GALNT10: variants seen among roughly 807,000 people sequenced by gnomAD.
GALNT10 encodes GalNAc transferase 10.
GALNT10 carries 41 observed loss-of-function variants against 75.0 expected under a neutral mutation model. That is an observed-to-expected ratio of 0.55 (90% CI 0.43 to 0.71). The LOEUF (loss-of-function observed/expected upper bound fraction) is 0.71. Ranked by LOEUF, GALNT10 falls within the 30% of genes least tolerant of loss-of-function variation. The pLI is 0.00. For synonymous variants in GALNT10, 302 were observed against 313.0 expected (o/e 0.96, Z 0.37); for missense variants, 727 against 818.5 (o/e 0.89, Z 1.36).
chr5:154,282,341 T>A (rs1438442241), intron 1 of GALNT10, among the ~76,000 whole-genome samples: 1 of 152,236 alleles, frequency 6.6e-6, no homozygotes, highest in Non-Finnish European at 1.5e-5. Context: ...TTGGGGATCA[T>A]GCTCAAACCA....
intron 1 of GALNT10, among the ~76,000 whole-genome samples, chr5:154,245,035 T>C (rs1437075334): frequency 6.6e-6 from 1 of 152,208 alleles, no homozygotes; most frequent in Non-Finnish European, 1.5e-5. Context: ...GCAGGGATTC[T>C]GGAAGCTCAT....
chr5:154,411,233 T>C (rs547192353), intron 9 of GALNT10, among the ~76,000 whole-genome samples: 2 of 152,342 alleles, frequency 1.3e-5, no homozygotes, highest in South Asian at 2.1e-4. Context: ...ATCCAGGGCT[T>C]CAAATGATGT....
chr5:154,259,247 C>G (rs977542606), intron 1 of GALNT10, among the ~76,000 whole-genome samples: 2 of 152,066 alleles, frequency 1.3e-5, no homozygotes, highest in Admixed American at 1.3e-4. Context: ...AAACAGTAGC[C>G]AATTATTTTG....
chr5:154,306,672 G>T (rs1372025711), intron 3 of GALNT10, among the ~76,000 whole-genome samples: 2 of 151,876 alleles, frequency 1.3e-5, no homozygotes, highest in East Asian at 3.9e-4. Flanking sequence ...ATGTGAAAAA[G>T]GGCAAAGCAG....
chr5:154,412,905 C>T lies in GALNT10; in HGVS notation c.1403C>T (p.Thr468Ile), dbSNP rs745955681. ...CCCTTTCAGATCCGAAATGTGGGCA[C>T]AGGGCTGTGTGCAGACACAAAGCAC... ...AAWGEIRNVG[T>I]GLCADTKHGA... The change falls in exon 10 of 12, where the codon ACA (threonine) becomes ATA (isoleucine). Residue 468 changes from threonine to isoleucine, a missense_variant. Coordinates refer to ENST00000297107, the MANE Select transcript of GALNT10 (RefSeq NM_198321.4). This position sits in a 1 kb window ranked among gnomAD's most constrained non-coding sequence, Gnocchi z 4.2. The T allele has an allele frequency of 3.1e-6, 5 of 1,613,028 alleles. No individual in the cohort carries two copies. Among genetic ancestry groups the T allele is most frequent in the Non-Finnish European group, 2.5e-6 (3 of 1,179,078 alleles).
chr5:154,237,031 T>C (rs1443688953), intron 1 of GALNT10, among the ~76,000 whole-genome samples: 1 of 152,138 alleles, frequency 6.6e-6, no homozygotes, highest in Non-Finnish European at 1.5e-5. Flanking sequence ...TTCACAGCCG[T>C]GAGATTGGCA....
intron 7 of GALNT10, 157 bp downstream of exon 7, chr5:154,386,587 CACT>C: frequency 2.1e-6 from 1 of 480,356 alleles, no homozygotes; most frequent in Non-Finnish European, 3.9e-6. Context: ...GCTCATGGGC[CACT>C]CTTTGTTGTG....
chr5:154,276,513 G>A lies in GALNT10; in HGVS notation c.160-18303G>A, dbSNP rs923233244. On this transcript the variant is annotated intron_variant, in intron 1 of 11. Coordinates refer to ENST00000297107, the MANE Select transcript of GALNT10 (RefSeq NM_198321.4). Reference sequence around the variant, plus strand: ...CATATAACTTGATGTAATCACAGGAGTGATATCTCATCATATTCACAGGTT... The same window carrying A: ...CATATAACTTGATGTAATCACAGGAATGATATCTCATCATATTCACAGGTT... Among the ~76,000 whole-genome samples, 200 of 152,272 alleles carry A rather than the reference G, an allele frequency of 1.3e-3. 4 individuals are homozygous for A. Among genetic ancestry groups the A allele is most frequent in the Non-Finnish European group, 2.2e-4 (15 of 68,016 alleles).
chr5:154,361,998 A>C (rs1436924183), intron 4 of GALNT10, among the ~76,000 whole-genome samples: 1 of 152,104 alleles, frequency 6.6e-6, no homozygotes, highest in Non-Finnish European at 1.5e-5. Flanking sequence ...CCAGACAGCC[A>C]TCTGGGTCCC....
rs1375703937 is a variant in GALNT10, at chr5:154,402,096, C to A, written c.1057-2008C>A. Among the ~76,000 whole-genome samples, 1 of 152,326 alleles carries A rather than the reference C, an allele frequency of 6.6e-6. No homozygotes were observed. Among genetic ancestry groups the A allele is most frequent in the African/African-American group, 2.4e-5 (1 of 41,574 alleles). On this transcript the variant is annotated intron_variant, in intron 7 of 11. Coordinates refer to ENST00000297107, the MANE Select transcript of GALNT10 (RefSeq NM_198321.4). The surrounding 1 kb of genome is among the most constrained non-coding windows in gnomAD (Gnocchi z 4.2). ...TGCCCCATCAGGCTGTTCTCCACCCCACTGGCAGAGTCATCTTTGTAAGAT... is the reference window on the plus strand; with the variant it reads ...TGCCCCATCAGGCTGTTCTCCACCCAACTGGCAGAGTCATCTTTGTAAGAT...
chr5:154,385,363 G>A (rs944085445), intron 6 of GALNT10, among the ~76,000 whole-genome samples: 3 of 152,134 alleles, frequency 2.0e-5, no homozygotes, highest in Non-Finnish European at 4.4e-5. Context: ...GGTACTGCAT[G>A]ATTTGTCGTC....
Position 154,291,282 on chromosome 5 carries a change from C to T in GALNT10, c.160-3534C>T, listed in dbSNP as rs1561651867. Among the ~76,000 whole-genome samples the T allele has an allele frequency of 3.3e-5, 5 of 152,276 alleles. No homozygotes were observed. The South Asian group carries it at 1.0e-3, about 32-fold the overall frequency. On this transcript the variant is annotated intron_variant, in intron 1 of 11. Coordinates refer to ENST00000297107, the MANE Select transcript of GALNT10 (RefSeq NM_198321.4). ...CACAAGCTTGTAGAGGAAATAGTAT[C>T]CTTCATGGAATCTTAGACTCTTGAA...
At chr5:154,310,492 CA>C (rs1052883277) in intron 3 of GALNT10, among the ~76,000 whole-genome samples, 9 of 151,420 alleles carry the variant, frequency 5.9e-5, no homozygotes, top group African/African-American at 2.2e-4. Flanking sequence ...GTTTTTGAGA[CA>C]GAGTCTCGCT....
intron 1 of GALNT10, among the ~76,000 whole-genome samples, chr5:154,250,169 C>T (rs1217412025): frequency 6.6e-6 from 1 of 152,152 alleles, no homozygotes; most frequent in Non-Finnish European, 1.5e-5. Context: ...GCTGCAGCCC[C>T]CTATGTGTTT....
rs1278937220 is a variant in GALNT10, at chr5:154,376,037, ATC to A, written c.569-232_569-231del. Among the ~76,000 whole-genome samples the A allele has an allele frequency of 1.3e-5, 2 of 152,212 alleles. No individual in the cohort carries two copies. Among genetic ancestry groups the A allele is most frequent in the Non-Finnish European group, 2.9e-5 (2 of 68,038 alleles). On this transcript the variant is annotated intron_variant, in intron 4 of 11. Coordinates refer to ENST00000297107, the MANE Select transcript of GALNT10 (RefSeq NM_198321.4). This position sits in a 1 kb window ranked among gnomAD's most constrained non-coding sequence, Gnocchi z 4.1. ...AAATGTTCACACCCTTGGACAGAAG[ATC>A]TCTCTCTGTTCCAGGTCGTGGCACC...
At position 154,207,137 on chromosome 5, in the gene GALNT10, C is replaced by T. The variant is rs148183382; in HGVS notation, c.159+16112C>T. 1.5e-3 allele frequency among the ~76,000 whole-genome samples: 223 copies of T among 152,328 alleles called. 2 individuals are homozygous for T. Among genetic ancestry groups the T allele is most frequent in the African/African-American group, 5.2e-3 (216 of 41,576 alleles). On this transcript the variant is annotated intron_variant, in intron 1 of 11. Transcript: ENST00000297107. ...CCTCACAGCAACCCAATAACATACT[C>T]ACTCTAATTATCCCCATTTTATGGA... is the stretch of plus-strand genomic sequence containing the variant.
chr5:154,413,813 G>GA (rs541028587), intron 10 of GALNT10, among the ~76,000 whole-genome samples: 3 of 152,148 alleles, frequency 2.0e-5, no homozygotes, highest in African/African-American at 7.2e-5. Context: ...ATCCATAAAA[G>GA]AAAAAATTGA....
intron 6 of GALNT10, among the ~76,000 whole-genome samples, chr5:154,381,914 C>T (rs925252506): frequency 2.6e-5 from 4 of 152,232 alleles, no homozygotes; most frequent in South Asian, 2.1e-4. Context: ...CCATCAGGCT[C>T]GCCAAGATAA....
chr5:154,221,835 T>C (rs892946985), intron 1 of GALNT10, among the ~76,000 whole-genome samples: 1 of 152,242 alleles, frequency 6.6e-6, no homozygotes, highest in Non-Finnish European at 1.5e-5. Context: ...CTCTTTATGC[T>C]GACACCGCGC....
Sources: allele counts gnomAD v4.1 joint callset (sites outside exome capture counted in the v4.1 genomes callset), GRCh38; gene constraint gnomAD v4.1.1; non-coding constraint Gnocchi (gnomAD v3.1); transcripts MANE v1.5; gene names NCBI Gene and HGNC (gene_info 2026-07-23, HGNC 2026-07-21).